Variants in OLFM3 observed in about 807,000 individuals in gnomAD.
OLFM3 encodes the protein olfactomedin 3, also known as noelin-3.
OLFM3 carries 20 observed loss-of-function variants against 48.6 expected under a neutral mutation model. The ratio of observed to expected loss-of-function variants is 0.41; its 90% CI spans 0.29 to 0.60. The LOEUF (loss-of-function observed/expected upper bound fraction) is 0.60, where lower values mean the gene tolerates loss of function less well. Ranked by LOEUF, OLFM3 falls within the 20% of genes least tolerant of loss-of-function variation. OLFM3 has a pLI of 0.28. For missense variants in OLFM3, 437 were observed against 544.3 expected (o/e 0.80, Z 1.96); for synonymous variants, 222 against 198.1 (o/e 1.12, Z -1.01).
At chr1:101,829,245 A>T (rs1655031734) in intron 3 of OLFM3, among the ~76,000 whole-genome samples, 1 of 152,120 alleles carries the variant, frequency 6.6e-6, no homozygotes, top group Admixed American at 6.6e-5. Context: ...TTTCCTATTT[A>T]TCCAGTTCAC....
intron 2 of OLFM3, among the ~76,000 whole-genome samples, chr1:101,834,480 C>T (rs765978032): frequency 1.3e-5 from 2 of 151,970 alleles, no homozygotes; most frequent in Non-Finnish European, 2.9e-5. Context: ...TCTTGTTTGC[C>T]CTTTGGTGCC....
At chr1:101,931,659 G>T (rs1056754377) in intron 1 of OLFM3, among the ~76,000 whole-genome samples, 6 of 152,222 alleles carry the variant, frequency 3.9e-5, no homozygotes, top group African/African-American at 1.4e-4. Context: ...TTATTAATGG[G>T]AAGTGGGAGA....
intron 4 of OLFM3, among the ~76,000 whole-genome samples, chr1:101,808,366 A>C (rs1168012602): frequency 3.1e-5 from 1 of 32,076 alleles, no homozygotes; most frequent in Non-Finnish European, 7.5e-5. Context: ...TGGTCATTAA[A>C]GATGAAGATG....
At chr1:101,843,498 T>C (rs2100936397) in intron 1 of OLFM3, among the ~76,000 whole-genome samples, 1 of 152,108 alleles carries the variant, frequency 6.6e-6, no homozygotes, top group Middle Eastern at 3.4e-3. Flanking sequence ...CAAAGGCTGA[T>C]GGGCCCAGTG....
chr1:101,920,459 A>T (rs1659059232), intron 1 of OLFM3, among the ~76,000 whole-genome samples: 1 of 152,234 alleles, frequency 6.6e-6, no homozygotes, highest in African/African-American at 2.4e-5. Flanking sequence ...GAAGGCACTC[A>T]GTGAATGTTT....
intron 1 of OLFM3, among the ~76,000 whole-genome samples, chr1:101,876,604 C>T (rs1317422522): frequency 6.6e-6 from 1 of 151,758 alleles, no homozygotes; most frequent in Non-Finnish European, 1.5e-5. Flanking sequence ...AAGAGATAAA[C>T]AATAGATTTG....
intron 4 of OLFM3, chr1:101,813,010 C>A: frequency 8.9e-7 from 1 of 1,123,018 alleles, no homozygotes; most frequent in Non-Finnish European, 1.1e-6. Context: ...TTATTTTGTA[C>A]CAGAACTATT....
chr1:101,987,643 CTAGT>C (rs780091740), intron 1 of OLFM3, among the ~76,000 whole-genome samples: 147 of 152,230 alleles, frequency 9.7e-4, no homozygotes, highest in Non-Finnish European at 1.7e-3. Context: ...CATTTTGGTG[CTAGT>C]TAATCAACAT....
At chr1:101,838,674 C>G (rs543569749) in intron 1 of OLFM3, among the ~76,000 whole-genome samples, 1 of 151,994 alleles carries the variant, frequency 6.6e-6, no homozygotes, top group South Asian at 2.1e-4. Flanking sequence ...AGAGTTGGAT[C>G]TCGCCATGCT....
chr1:101,930,075 C>T (rs1456835568), intron 1 of OLFM3, among the ~76,000 whole-genome samples: 1 of 152,172 alleles, frequency 6.6e-6, no homozygotes, highest in Non-Finnish European at 1.5e-5. Flanking sequence ...AATAAACTTA[C>T]TGCTGGAAAC....
intron 1 of OLFM3, among the ~76,000 whole-genome samples, chr1:101,908,349 G>A (rs1356749240): frequency 6.6e-6 from 1 of 152,130 alleles, no homozygotes; most frequent in Non-Finnish European, 1.5e-5. Context: ...AGCATTATGA[G>A]GAACAGTCCA....
intron 1 of OLFM3, among the ~76,000 whole-genome samples, chr1:101,952,321 T>G (rs1222124683): frequency 1.3e-5 from 2 of 152,164 alleles, no homozygotes; most frequent in African/African-American, 4.8e-5. Context: ...TTCCTAGTAC[T>G]GAATACAATT....
chr1:101,918,728 A>C (rs1200776705), intron 1 of OLFM3, among the ~76,000 whole-genome samples: 2 of 152,046 alleles, frequency 1.3e-5, no homozygotes, highest in African/African-American at 2.4e-5. Flanking sequence ...TGAATGTGTA[A>C]ATATCTTTTA....
chr1:101,966,452 C>A (rs934500799), intron 1 of OLFM3, among the ~76,000 whole-genome samples: 5 of 152,112 alleles, frequency 3.3e-5, no homozygotes, highest in African/African-American at 1.2e-4. Context: ...GGATTACAGG[C>A]GTGAGCCACT....
At chr1:101,884,944 C>G (rs1657687785) in intron 1 of OLFM3, among the ~76,000 whole-genome samples, 1 of 151,960 alleles carries the variant, frequency 6.6e-6, no homozygotes, top group Non-Finnish European at 1.5e-5. Context: ...ACCTATAAGG[C>G]TCATTACACA....
intron 1 of OLFM3, among the ~76,000 whole-genome samples, chr1:101,896,121 G>A (rs907716491): frequency 2.6e-5 from 4 of 151,782 alleles, no homozygotes; most frequent in Non-Finnish European, 5.9e-5. Flanking sequence ...TTTACTTTAC[G>A]TAGTAAAAAT....
intron 1 of OLFM3, among the ~76,000 whole-genome samples, chr1:101,876,588 C>G (rs1481159456): frequency 6.6e-6 from 1 of 151,488 alleles, no homozygotes. Context: ...TAAGCCTGAC[C>G]AAAATAAGAG....
chr1:101,865,605 C>A (rs183046810), intron 1 of OLFM3, among the ~76,000 whole-genome samples: 1 of 152,144 alleles, frequency 6.6e-6, no homozygotes, highest in Non-Finnish European at 1.5e-5. Flanking sequence ...CATTCAGCAG[C>A]GCTTTGTGCC....
At chr1:101,807,554 A>G (rs1423900245) in intron 4 of OLFM3, among the ~76,000 whole-genome samples, 1 of 151,758 alleles carries the variant, frequency 6.6e-6, no homozygotes, top group Non-Finnish European at 1.5e-5. Context: ...AGTTTTCTCT[A>G]TATGTGCTTC....
Sources: gnomAD v4.1 joint callset for allele counts (sites outside exome capture counted in the v4.1 genomes callset) on GRCh38, gnomAD v4.1.1 for gene constraint, MANE v1.5 for transcripts, NCBI Gene and HGNC (gene_info 2026-07-23, HGNC 2026-07-21) for gene names.